CENPI: variants seen among roughly 807,000 people sequenced by gnomAD.
CENPI encodes centromere protein I, also known as FSH primary response 1.
Under a neutral mutation model 60.4 loss-of-function variants are expected in CENPI, and 4 were observed. The observed-to-expected ratio is 0.07, with a 90% confidence interval of 0.03 to 0.15. The LOEUF is 0.15. Among genes scored for constraint, CENPI ranks in the 10% least tolerant of loss-of-function variants. The pLI is 1.00. For synonymous variants in CENPI, 157 were observed against 189.4 expected (o/e 0.83, Z 1.40); for missense variants, 444 against 534.5 (o/e 0.83, Z 1.67).
intron 8 of CENPI, among the ~76,000 whole-genome samples, chrX:101,124,776 A>G (rs1468012892): frequency 1.8e-5 from 2 of 111,449 alleles, no homozygotes; most frequent in Non-Finnish European, 3.8e-5. Flanking sequence ...GTGAAGAAGG[A>G]TGTGTTTGCT....
chrX:101,113,610 G>A (rs778055950), intron 6 of CENPI, among the ~76,000 whole-genome samples: 1 of 111,865 alleles, frequency 8.9e-6, no homozygotes, highest in Non-Finnish European at 1.9e-5. Flanking sequence ...ACGCCTGGCC[G>A]ATACTATTTT....
intron 4 of CENPI, among the ~76,000 whole-genome samples, chrX:101,108,334 C>G (rs2089508938): frequency 2.7e-5 from 3 of 109,903 alleles, no homozygotes; most frequent in Admixed American, 2.0e-4. Flanking sequence ...CCTCAGCCTC[C>G]CAGGAGGCAC....
chrX:101,113,855 T>G (rs768180796), intron 6 of CENPI, among the ~76,000 whole-genome samples: 1 of 112,472 alleles, frequency 8.9e-6, no homozygotes, highest in South Asian at 3.7e-4. Context: ...GACAGTTAAA[T>G]TTTTTCGGGA....
intron 20 of CENPI, among the ~76,000 whole-genome samples, chrX:101,159,843 G>C (rs2090090882): frequency 8.9e-6 from 1 of 111,830 alleles, no homozygotes; most frequent in Non-Finnish European, 1.9e-5. Flanking sequence ...GAGAGAATAG[G>C]AGAGGTTATT....
chrX:101,151,574 G>A lies in CENPI; in HGVS notation c.2094+3413G>A, dbSNP rs193121439. Among the ~76,000 whole-genome samples, 8 of 111,749 alleles carry A rather than the reference G, an allele frequency of 7.2e-5. No homozygotes were observed. The East Asian group carries it at 2.3e-3, about 32-fold the overall frequency. Reference sequence around the variant, plus strand: ...GCCAGGCACGGGGTGGCTCACGCCTGTAATCGCAGCACTTTGGGAGGCCAA... The same window carrying A: ...GCCAGGCACGGGGTGGCTCACGCCTATAATCGCAGCACTTTGGGAGGCCAA... On this transcript the variant is annotated intron_variant, in intron 20 of 21. Coordinates refer to ENST00000682095, the MANE Select transcript of CENPI (RefSeq NM_001386188.2).
intron 20 of CENPI, among the ~76,000 whole-genome samples, chrX:101,160,358 A>G (rs1040618424): frequency 2.0e-5 from 2 of 99,843 alleles, no homozygotes; most frequent in South Asian, 9.2e-4. Flanking sequence ...AGACCCCAGC[A>G]CCCTTAGCTT....
At position 101,129,963 on chromosome X, in the gene CENPI, T is replaced by G. The variant is rs750532327; in HGVS notation, c.1196-19T>G. On this transcript the variant is annotated intron_variant, in intron 12 of 21. Transcript: ENST00000682095. ...ATTGTGGTACAACTAGATGCTTATA[T>G]TTACTGTTTCTGCTCTAGAATGTAT... 113 of 1,074,015 alleles carry G rather than the reference T, an allele frequency of 1.1e-4. No homozygotes were observed. Among genetic ancestry groups the G allele is most frequent in the Non-Finnish European group, 1.4e-4 (109 of 774,042 alleles). 88.5% of individuals were successfully genotyped at this position (1,074,015 alleles called of 1,213,427 possible).
chrX:101,181,267 A>G, the CENPI span, among the ~76,000 whole-genome samples: 2 of 111,573 alleles, frequency 1.8e-5, no homozygotes. Context: ...ATTCTTCTTC[A>G]ATATTGCCTT....
chrX:101,139,820 GTT>G (rs35960415), intron 15 of CENPI, among the ~76,000 whole-genome samples: 4 of 89,660 alleles, frequency 4.5e-5, no homozygotes, highest in African/African-American at 1.2e-4. Flanking sequence ...ATTATTGTAT[GTT>G]TTTTTTTTTT....
In CENPI at chrX:101,150,074, G is replaced by A. The variant is rs1009039185; in HGVS notation, c.2094+1913G>A. Reference sequence around the variant, plus strand: ...AATAAGAATTATATTTTTTAACTACGTAGAAGAATTTCAGAGACATTATAG... The same window carrying A: ...AATAAGAATTATATTTTTTAACTACATAGAAGAATTTCAGAGACATTATAG... On this transcript the variant is annotated intron_variant, in intron 20 of 21. Coordinates refer to ENST00000682095, the MANE Select transcript of CENPI (RefSeq NM_001386188.2). 3.6e-5 allele frequency among the ~76,000 whole-genome samples: 4 copies of A among 109,661 alleles called. No individual in the cohort carries two copies. The South Asian group carries it at 1.6e-3, about 43-fold the overall frequency.
intron 12 of CENPI, 117 bp downstream of exon 12, chrX:101,128,953 A>G: frequency 1.7e-6 from 1 of 589,255 alleles, no homozygotes; most frequent in East Asian, 3.5e-5. Context: ...TGGTAATCTT[A>G]TATTTAGAGC....
At chrX:101,150,330 G>A (rs763762463) in intron 20 of CENPI, among the ~76,000 whole-genome samples, 3 of 105,522 alleles carry the variant, frequency 2.8e-5, no homozygotes, top group Non-Finnish European at 5.8e-5. Flanking sequence ...TACATTTGTT[G>A]TTTCTGTTTG....
intron 15 of CENPI, among the ~76,000 whole-genome samples, chrX:101,137,530 C>T (rs1399357663): frequency 1.8e-5 from 2 of 111,308 alleles, no homozygotes; most frequent in African/African-American, 6.5e-5. Flanking sequence ...GGTATGAAGG[C>T]CTGGTCTTCA....
At chrX:101,156,848 G>C (rs1209050416) in intron 20 of CENPI, among the ~76,000 whole-genome samples, 2 of 106,046 alleles carry the variant, frequency 1.9e-5, no homozygotes, top group Non-Finnish European at 4.0e-5. Context: ...TTTTATGGCT[G>C]AGTAGTATTT....
At chrX:101,103,885 A>G (rs1041612611) in intron 4 of CENPI, among the ~76,000 whole-genome samples, 3 of 112,528 alleles carry the variant, frequency 2.7e-5, no homozygotes, top group African/African-American at 9.7e-5. Flanking sequence ...TATTTATCTT[A>G]AGAAGCATAC....
chrX:101,140,631 T>G (rs1397563641), intron 15 of CENPI, 35 bp from the exon 16 acceptor site: 3 of 986,641 alleles, frequency 3.0e-6, no homozygotes. Context: ...GTCTGAATGA[T>G]TTCATGAAAT....
intron 20 of CENPI, among the ~76,000 whole-genome samples, chrX:101,160,238 A>T (rs1381056912): frequency 1.8e-5 from 2 of 111,338 alleles, no homozygotes; most frequent in Admixed American, 9.7e-5. Flanking sequence ...CATTGTTGTA[A>T]TCCTCAAAAA....
intron 15 of CENPI, 47 bp downstream of exon 15, chrX:101,132,503 A>G (rs1470546722): frequency 2.0e-6 from 2 of 1,023,885 alleles, no homozygotes; most frequent in Non-Finnish European, 1.4e-6. Flanking sequence ...GTATTATTCT[A>G]TTGCTAGTGG....
the CENPI span, among the ~76,000 whole-genome samples, chrX:101,172,780 T>C: frequency 9.0e-6 from 1 of 111,610 alleles, no homozygotes; most frequent in Non-Finnish European, 1.9e-5. Context: ...TAAAAACTTA[T>C]AAGGACTATT....
Sources: allele counts gnomAD v4.1 joint callset (sites outside exome capture counted in the v4.1 genomes callset), GRCh38; gene constraint gnomAD v4.1.1; transcripts MANE v1.5; gene names NCBI Gene and HGNC (gene_info 2026-07-23, HGNC 2026-07-21).